DPH6: variants seen among roughly 807,000 people sequenced by gnomAD.
DPH6 encodes diphthamine biosynthesis 6, also known as diphthine--ammonia ligase.
Under a neutral mutation model 38.2 loss-of-function variants are expected in DPH6, and 33 were observed. The ratio of observed to expected loss-of-function variants is 0.86; its 90% CI spans 0.65 to 1.15. DPH6 has a LOEUF of 1.15. DPH6 is among the 50% of genes most tolerant of loss of function. The pLI is 0.00. For synonymous variants in DPH6, 108 were observed against 103.0 expected, an observed-to-expected ratio of 1.05 and a Z score of -0.30; for missense variants, 325 against 320.0, an observed-to-expected ratio of 1.02 and a Z score of -0.12.
At chr15:35,283,756 G>GCACACACACACACACACACACACA (rs757887783) in intron 3 of DPH6, among the ~76,000 whole-genome samples, 14 of 123,652 alleles carry the variant, frequency 1.1e-4, no homozygotes, top group Non-Finnish European at 2.0e-4. Flanking sequence ...GGCACAGATA[G>GCACACACACACACACACACACACA]TACACACACA....
chr15:35,187,248 C>T, the DPH6 span, among the ~76,000 whole-genome samples: 9 of 152,188 alleles, frequency 5.9e-5, no homozygotes, highest in Non-Finnish European at 1.3e-4. Context: ...TGATTATCCT[C>T]ATTTTATAAT....
At chr15:35,534,329 AT>A (rs1335663008) in intron 3 of DPH6, among the ~76,000 whole-genome samples, 2 of 148,680 alleles carry the variant, frequency 1.3e-5, no homozygotes, top group Non-Finnish European at 3.0e-5. Context: ...GTGAGCCAAG[AT>A]TGTGCCATTG....
At chr15:35,478,595 CACAGTTCT>C (rs1449293302) in intron 3 of DPH6, among the ~76,000 whole-genome samples, 1 of 151,910 alleles carries the variant, frequency 6.6e-6, no homozygotes, top group Non-Finnish European at 1.5e-5. Context: ...CATTAATCTG[CACAGTTCT>C]ACCTAGGGCC....
intron 3 of DPH6, among the ~76,000 whole-genome samples, chr15:35,238,361 C>G (rs1478527922): frequency 2.6e-5 from 4 of 151,880 alleles, no homozygotes; most frequent in African/African-American, 9.7e-5. Context: ...ATCACTTTAT[C>G]GGGAGTAGTT....
the DPH6 span, among the ~76,000 whole-genome samples, chr15:35,148,091 A>C: frequency 1.3e-5 from 2 of 152,232 alleles, no homozygotes; most frequent in African/African-American, 4.8e-5. Context: ...AATTACTGTA[A>C]TGCAATTGTT....
At chr15:35,402,414 T>C (rs1284946663) in intron 6 of DPH6, among the ~76,000 whole-genome samples, 1 of 152,192 alleles carries the variant, frequency 6.6e-6, no homozygotes, top group Non-Finnish European at 1.5e-5. Context: ...GATAAAATTA[T>C]AGATGGGACT....
chr15:35,190,862 T>A, the DPH6 span, among the ~76,000 whole-genome samples: 1 of 152,198 alleles, frequency 6.6e-6, no homozygotes, highest in Non-Finnish European at 1.5e-5. Flanking sequence ...TCAGATCTCT[T>A]TCACTGTAAT....
In DPH6 at chr15:35,295,620, G is replaced by T. The variant is rs72625181; in HGVS notation, n.201-75038C>A. The stretch of plus-strand genomic sequence containing the variant: ...CATCTGACACTGTGGACTCTCAGGT[G>T]TCTGAATTCTACAATACCAACAATC... On this transcript the variant is annotated intron_variant and non_coding_transcript_variant, in intron 3 of 3. Transcript: ENST00000560386. Among the ~76,000 whole-genome samples the T allele has an allele frequency of 0.03, 4,570 of 152,190 alleles. 333 individuals carry two copies. The East Asian group carries it at 0.32, about 11-fold the overall frequency.
At chr15:35,350,574 T>C (rs191803797) in intron 3 of DPH6, among the ~76,000 whole-genome samples, 82 of 152,302 alleles carry the variant, frequency 5.4e-4, no homozygotes, top group African/African-American at 1.9e-3. Context: ...CATTTACTAC[T>C]CCAAATTTCC....
At chr15:35,456,120 T>C (rs1034541581) in intron 3 of DPH6, among the ~76,000 whole-genome samples, 1 of 152,196 alleles carries the variant, frequency 6.6e-6, no homozygotes, top group Non-Finnish European at 1.5e-5. Context: ...TTCCTTTACT[T>C]TCCTATTTCA....
intron 3 of DPH6, among the ~76,000 whole-genome samples, chr15:35,287,103 A>C (rs1318328272): frequency 1.3e-5 from 2 of 152,198 alleles, no homozygotes; most frequent in African/African-American, 4.8e-5. Context: ...GCATATCCAC[A>C]ATGCTGAAAT....
At chr15:35,288,361 G>A (rs2051957294) in intron 3 of DPH6, among the ~76,000 whole-genome samples, 1 of 152,128 alleles carries the variant, frequency 6.6e-6, no homozygotes, top group South Asian at 2.1e-4. Flanking sequence ...TAGGAAAAAG[G>A]AAAGACTTAC....
At chr15:35,146,864 C>T in the DPH6 span, among the ~76,000 whole-genome samples, 2 of 152,242 alleles carry the variant, frequency 1.3e-5, no homozygotes, top group East Asian at 3.9e-4. Context: ...AGCAGCTAAT[C>T]AGGCTGTCCT....
chr15:35,349,438 T>C (rs1343409672), intron 3 of DPH6, among the ~76,000 whole-genome samples: 1 of 152,120 alleles, frequency 6.6e-6, no homozygotes, highest in African/African-American at 2.4e-5. Context: ...TTTTTTTGTT[T>C]TGTTTTGTTT....
intron 3 of DPH6, among the ~76,000 whole-genome samples, chr15:35,352,628 G>A (rs2052525156): frequency 6.6e-6 from 1 of 152,188 alleles, no homozygotes; most frequent in Non-Finnish European, 1.5e-5. Flanking sequence ...TTTTATGGCT[G>A]CATAGTATTC....
At chr15:35,193,147 T>A in the DPH6 span, among the ~76,000 whole-genome samples, 1 of 152,166 alleles carries the variant, frequency 6.6e-6, no homozygotes, top group Non-Finnish European at 1.5e-5. Flanking sequence ...GAAAATATGC[T>A]TATAATCTCT....
intron 3 of DPH6, among the ~76,000 whole-genome samples, chr15:35,262,705 CAAAAAAAAAAAAAAAAA>C (rs58580024): frequency 1.2e-5 from 1 of 82,628 alleles, no homozygotes; most frequent in Non-Finnish European, 2.2e-5. Flanking sequence ...GACTCCGTCT[CAAAAAAAAAAAAAAAAA>C]AAAAAAAAAA....
intron 3 of DPH6, chr15:35,490,096 A>G (rs1365268780): frequency 4.1e-6 from 4 of 985,320 alleles, no homozygotes; most frequent in Non-Finnish European, 4.8e-6. Context: ...AATCTCTTCC[A>G]GGCTCACCAG....
rs907121700 is a variant in DPH6 at position 35,528,294 on chromosome 15, C to G, written c.312+9980G>C. Among the ~76,000 whole-genome samples the G allele has an allele frequency of 2.6e-5, 4 of 152,012 alleles. No individual in the cohort carries two copies. The East Asian group carries it at 7.7e-4, about 29-fold the overall frequency. On this transcript the variant is annotated intron_variant, in intron 3 of 8. Coordinates refer to ENST00000256538, the MANE Select transcript of DPH6 (RefSeq NM_080650.4). Reference sequence around the variant, plus strand: ...ATATTGATATGAAGCATCTTCTATTCAATCCTTTACCAGATTAAAGAGATG... The same window carrying G: ...ATATTGATATGAAGCATCTTCTATTGAATCCTTTACCAGATTAAAGAGATG...
Sources: allele counts gnomAD v4.1 joint callset (sites outside exome capture counted in the v4.1 genomes callset), GRCh38; gene constraint gnomAD v4.1.1; transcripts MANE v1.5; gene names NCBI Gene and HGNC (gene_info 2026-07-23, HGNC 2026-07-21).